COMMD1: variants seen among roughly 807,000 people sequenced by gnomAD.
COMMD1 encodes the protein COMM domain-containing protein 1.
COMMD1 carries 10 observed loss-of-function variants against 17.2 expected under a neutral mutation model. The observed-to-expected ratio is 0.58, with a 90% confidence interval of 0.36 to 0.99. COMMD1 has a LOEUF of 0.99. Ranked by LOEUF, COMMD1 falls within the 50% of genes least tolerant of loss-of-function variation. The pLI, the probability that COMMD1 is intolerant of heterozygous loss-of-function variation, is 0.01. For missense variants in COMMD1, 270 were observed against 231.8 expected (o/e 1.17, Z -1.07); for synonymous variants, 97 against 91.6 (o/e 1.06, Z -0.34).
At chr2:62,129,415 A>G (rs1362628846) in intron 2 of COMMD1, among the ~76,000 whole-genome samples, 1 of 152,202 alleles carries the variant, frequency 6.6e-6, no homozygotes, top group Non-Finnish European at 1.5e-5. Context: ...AGTTTTCAGG[A>G]AAATATAAAA....
intron 2 of COMMD1, among the ~76,000 whole-genome samples, chr2:62,023,147 A>G (rs567950565): frequency 2.6e-5 from 4 of 151,860 alleles, no homozygotes; most frequent in African/African-American, 9.7e-5. Context: ...AATCGCTTGA[A>G]CCTGGAAGGT....
At chr2:61,907,273 AT>A (rs1284516753) in intron 1 of COMMD1, among the ~76,000 whole-genome samples, 1 of 152,024 alleles carries the variant, frequency 6.6e-6, no homozygotes, top group Non-Finnish European at 1.5e-5. Context: ...CACCCAGCTA[AT>A]TTTTGTATTT....
chr2:62,080,603 T>C (rs1671488045), intron 2 of COMMD1, among the ~76,000 whole-genome samples: 1 of 152,188 alleles, frequency 6.6e-6, no homozygotes, highest in Non-Finnish European at 1.5e-5. Context: ...GTAAATTTTA[T>C]TTGTCAAGCT....
intron 2 of COMMD1, among the ~76,000 whole-genome samples, chr2:62,028,379 T>C (rs1331892826): frequency 1.3e-5 from 2 of 152,130 alleles, no homozygotes; most frequent in Non-Finnish European, 2.9e-5. Flanking sequence ...TTTGTAATAA[T>C]TTAGCAAAAC....
At chr2:62,003,488 C>A (rs548837156) in intron 2 of COMMD1, among the ~76,000 whole-genome samples, 62 of 151,704 alleles carry the variant, frequency 4.1e-4, no homozygotes, top group Non-Finnish European at 7.2e-4. Flanking sequence ...TTGCAGTGAG[C>A]CGAGATTGTG....
At chr2:62,059,164 AT>A (rs1034960304) in intron 2 of COMMD1, among the ~76,000 whole-genome samples, 23 of 150,614 alleles carry the variant, frequency 1.5e-4, no homozygotes, top group Admixed American at 1.3e-3. Context: ...CTGTTTTATT[AT>A]TTTTTTTTGG....
At chr2:62,012,401 C>T (rs1669306633) in intron 2 of COMMD1, among the ~76,000 whole-genome samples, 1 of 150,376 alleles carries the variant, frequency 6.6e-6, no homozygotes, top group Non-Finnish European at 1.5e-5. Context: ...TCACCGCAAT[C>T]TCTGCCTCCC....
At chr2:62,135,797 G>A (rs764797275) in intron 2 of COMMD1, 34 bp from the exon 3 acceptor site, 14 of 1,101,616 alleles carry the variant, frequency 1.3e-5, no homozygotes, top group Non-Finnish European at 2.0e-5. Flanking sequence ...CTATCTTGTG[G>A]TTTCCCTCTA....
intron 2 of COMMD1, among the ~76,000 whole-genome samples, chr2:62,110,527 G>C (rs973148265): frequency 3.9e-5 from 6 of 152,150 alleles, no homozygotes; most frequent in African/African-American, 1.4e-4. Context: ...AACGTTAGCT[G>C]CTTTTCTGAC....
intron 1 of COMMD1, among the ~76,000 whole-genome samples, chr2:61,899,127 G>A (rs930362024): frequency 6.6e-6 from 1 of 152,000 alleles, no homozygotes; most frequent in Non-Finnish European, 1.5e-5. Flanking sequence ...ATGCCACTTT[G>A]GCATAAGGAT....
At chr2:62,003,963 A>G (rs1160705229) in intron 2 of COMMD1, among the ~76,000 whole-genome samples, 2 of 152,076 alleles carry the variant, frequency 1.3e-5, no homozygotes. Flanking sequence ...CCCTGTCTCT[A>G]CTAAAAATAC....
intron 1 of COMMD1, among the ~76,000 whole-genome samples, chr2:61,895,587 T>C (rs1024754648): frequency 6.6e-6 from 1 of 152,154 alleles, no homozygotes; most frequent in Non-Finnish European, 1.5e-5. Flanking sequence ...GCCCCAGCCC[T>C]CCTCTGAGAG....
intron 2 of COMMD1, among the ~76,000 whole-genome samples, chr2:62,081,440 G>A (rs368966511): frequency 3.7e-4 from 19 of 51,218 alleles, no homozygotes; most frequent in African/African-American, 3.3e-3. Context: ...TAGTAGAGAC[G>A]GGGTTTCTCC....
At chr2:62,057,538 T>C (rs966021408) in intron 2 of COMMD1, among the ~76,000 whole-genome samples, 1 of 152,200 alleles carries the variant, frequency 6.6e-6, no homozygotes, top group Non-Finnish European at 1.5e-5. Context: ...AGCACAAAAA[T>C]TTTGATGTGT....
intron 2 of COMMD1, among the ~76,000 whole-genome samples, chr2:62,067,352 C>T (rs902891702): frequency 3.9e-5 from 6 of 152,038 alleles, no homozygotes; most frequent in Admixed American, 6.5e-5. Context: ...AACAAATCTT[C>T]TATTTGTATA....
intron 1 of COMMD1, among the ~76,000 whole-genome samples, chr2:61,975,184 T>C (rs1671768463): frequency 1.3e-5 from 2 of 150,036 alleles, no homozygotes; most frequent in Admixed American, 1.3e-4. Flanking sequence ...TGGGAACTCT[T>C]AGATAAGCTC....
At chr2:62,003,632 A>ACACC (rs1475815430) in intron 2 of COMMD1, among the ~76,000 whole-genome samples, 1 of 145,282 alleles carries the variant, frequency 6.9e-6, no homozygotes, top group Admixed American at 6.8e-5. Flanking sequence ...ACACACACAC[A>ACACC]CACACACACC....
At chr2:62,053,942 A>G (rs1464645128) in intron 2 of COMMD1, among the ~76,000 whole-genome samples, 1 of 152,260 alleles carries the variant, frequency 6.6e-6, no homozygotes, top group African/African-American at 2.4e-5. Flanking sequence ...AAATATTTGC[A>G]AAGTATTCAT....
chr2:62,065,895 A>C (rs1671024992), intron 2 of COMMD1, among the ~76,000 whole-genome samples: 1 of 152,242 alleles, frequency 6.6e-6, no homozygotes, highest in South Asian at 2.1e-4. Context: ...TTAAATTAGA[A>C]TCTTGAAAGC....
Sources: allele counts gnomAD v4.1 joint callset (sites outside exome capture counted in the v4.1 genomes callset), GRCh38; gene constraint gnomAD v4.1.1; transcripts MANE v1.5; gene names NCBI Gene and HGNC (gene_info 2026-07-23, HGNC 2026-07-21).